The following FHIT variants were observed in gnomAD, a reference collection of about 807,000 sequenced individuals.
FHIT encodes fragile histidine triad diadenosine triphosphatase.
In FHIT, 19 loss-of-function variants were observed where a neutral mutation model predicts 17.9. That is an observed-to-expected ratio of 1.06 (90% CI 0.74 to 1.56). The LOEUF is 1.56. Among genes scored for constraint, FHIT ranks in the 40% most tolerant of loss-of-function variants. The probability of loss-of-function intolerance (pLI) is 0.00; values close to 1 mark genes in which losing one functional copy is unlikely to be tolerated. For missense variants in FHIT, 248 were observed against 189.2 expected, an observed-to-expected ratio of 1.31 and a Z score of -1.82; for synonymous variants, 81 against 69.7, an observed-to-expected ratio of 1.16 and a Z score of -0.81.
At chr3:60,902,269 T>C (rs782412889) in intron 3 of FHIT, among the ~76,000 whole-genome samples, 1 of 152,236 alleles carries the variant, frequency 6.6e-6, no homozygotes, top group African/African-American at 2.4e-5. Flanking sequence ...AAACCATTTA[T>C]GTCTGACTTC....
chr3:60,551,149 G>A (rs960575319), intron 4 of FHIT, among the ~76,000 whole-genome samples: 1 of 151,970 alleles, frequency 6.6e-6, no homozygotes, highest in Non-Finnish European at 1.5e-5. Context: ...GTGGGGTGGA[G>A]CCTAACAGCA....
chr3:60,408,351 C>T (rs762094731), intron 5 of FHIT, among the ~76,000 whole-genome samples: 27 of 152,098 alleles, frequency 1.8e-4, no homozygotes, highest in Non-Finnish European at 3.8e-4. Flanking sequence ...CCTCCTGCAA[C>T]TCCTAATCCA....
chr3:60,461,212 G>A (rs2032442066), intron 5 of FHIT, among the ~76,000 whole-genome samples: 2 of 152,114 alleles, frequency 1.3e-5, no homozygotes, highest in Non-Finnish European at 2.9e-5. Flanking sequence ...ATGTTATTCA[G>A]TAGTGAGCCT....
At chr3:61,191,121 A>C (rs2038703019) in intron 2 of FHIT, among the ~76,000 whole-genome samples, 1 of 152,114 alleles carries the variant, frequency 6.6e-6, no homozygotes, top group South Asian at 2.1e-4. Flanking sequence ...TTCCTGTTTC[A>C]CCTCACAGGT....
chr3:60,833,086 G>T (rs561171011), intron 3 of FHIT, among the ~76,000 whole-genome samples: 2 of 152,300 alleles, frequency 1.3e-5, no homozygotes, highest in Admixed American at 6.5e-5. Context: ...TCAATCTCCT[G>T]CCTTAGGGGT....
chr3:60,528,329 T>C (rs1664814529), intron 5 of FHIT, among the ~76,000 whole-genome samples: 1 of 152,090 alleles, frequency 6.6e-6, no homozygotes, highest in South Asian at 2.1e-4. Context: ...TTTTAATTAT[T>C]TAAAATTATC....
chr3:60,164,707 C>A (rs962212213), intron 5 of FHIT, among the ~76,000 whole-genome samples: 1 of 152,144 alleles, frequency 6.6e-6, no homozygotes, highest in Non-Finnish European at 1.5e-5. Context: ...TGCTCTTGAT[C>A]TGCCTACCAC....
At chr3:60,860,668 G>GT (rs1553751797) in intron 3 of FHIT, among the ~76,000 whole-genome samples, 2 of 100,826 alleles carry the variant, frequency 2.0e-5, no homozygotes, top group African/African-American at 9.2e-5. Flanking sequence ...AGGTATATAT[G>GT]TACATATGTA....
At chr3:60,400,593 G>T (rs1228464691) in intron 5 of FHIT, among the ~76,000 whole-genome samples, 1 of 152,072 alleles carries the variant, frequency 6.6e-6, no homozygotes, top group African/African-American at 2.4e-5. Context: ...CTGAGCAGAG[G>T]TGCTGGCATG....
At chr3:60,352,095 C>T (rs1188305727) in intron 5 of FHIT, among the ~76,000 whole-genome samples, 1 of 152,100 alleles carries the variant, frequency 6.6e-6, no homozygotes, top group African/African-American at 2.4e-5. Flanking sequence ...TTTTGTATTT[C>T]CAGCACTGAG....
chr3:60,358,770 T>C (rs532261576), intron 5 of FHIT, among the ~76,000 whole-genome samples: 65 of 152,230 alleles, frequency 4.3e-4, no homozygotes, highest in African/African-American at 7.2e-4. Context: ...CCAGGTGAAC[T>C]GGGTTATAAT....
intron 2 of FHIT, among the ~76,000 whole-genome samples, chr3:61,061,778 G>A (rs112953445): frequency 5.9e-5 from 9 of 152,122 alleles, no homozygotes; most frequent in East Asian, 1.9e-4. Context: ...CAAGGTACAC[G>A]TTATTGCAAA....
At chr3:60,103,437 A>G (rs1430244440) in intron 5 of FHIT, among the ~76,000 whole-genome samples, 1 of 152,218 alleles carries the variant, frequency 6.6e-6, no homozygotes, top group Non-Finnish European at 1.5e-5. Context: ...CACGTTTTAG[A>G]CAAAAACAAA....
intron 5 of FHIT, among the ~76,000 whole-genome samples, chr3:60,497,719 C>T (rs916511394): frequency 3.9e-5 from 6 of 152,098 alleles, no homozygotes; most frequent in African/African-American, 1.4e-4. Flanking sequence ...CCGTCCTTTC[C>T]TGGTTATATA....
intron 5 of FHIT, among the ~76,000 whole-genome samples, chr3:60,486,520 G>T (rs13070051): frequency 1.3e-5 from 2 of 152,058 alleles, no homozygotes; most frequent in South Asian, 2.1e-4. Context: ...CTCCAAAGGG[G>T]CCTGACAGGT....
At chr3:59,797,874 G>T (rs1051792681) in intron 8 of FHIT, among the ~76,000 whole-genome samples, 1 of 152,106 alleles carries the variant, frequency 6.6e-6, no homozygotes, top group African/African-American at 2.4e-5. Flanking sequence ...ACTAATCATA[G>T]AATTAAAACA....
intron 8 of FHIT, among the ~76,000 whole-genome samples, chr3:59,909,752 A>C (rs936587956): frequency 9.2e-5 from 14 of 152,246 alleles, no homozygotes; most frequent in Non-Finnish European, 1.9e-4. Context: ...TCACCAAACA[A>C]CTGCCAGTAA....
chr3:61,248,470 T>C (rs2040538005), intron 1 of FHIT, among the ~76,000 whole-genome samples: 1 of 152,230 alleles, frequency 6.6e-6, no homozygotes. Flanking sequence ...GAATACATAA[T>C]TGAAAGGGCC....
chr3:60,815,913 A>G (rs1176042753), intron 4 of FHIT, among the ~76,000 whole-genome samples: 3 of 151,964 alleles, frequency 2.0e-5, no homozygotes, highest in African/African-American at 7.2e-5. Flanking sequence ...TTCTTTTAGC[A>G]GTGTTTTGTG....
Sources: gnomAD v4.1 joint callset for allele counts (sites outside exome capture counted in the v4.1 genomes callset) on GRCh38, gnomAD v4.1.1 for gene constraint, MANE v1.5 for transcripts, NCBI Gene and HGNC (gene_info 2026-07-23, HGNC 2026-07-21) for gene names.